ONECUT1: variants seen among roughly 807,000 people sequenced by gnomAD.
ONECUT1 encodes one cut homeobox 1.
A neutral mutation model predicts 25.6 loss-of-function variants in ONECUT1; 12 were observed. The observed-to-expected ratio is 0.47, with a 90% CI of 0.30 to 0.76. The LOEUF (loss-of-function observed/expected upper bound fraction) is 0.76, where lower values mean the gene tolerates loss of function less well. ONECUT1 is among the 30% of genes least tolerant of loss of function. The pLI is 0.07. For synonymous variants in ONECUT1, 285 were observed against 270.2 expected, an observed-to-expected ratio of 1.05 and a Z score of -0.54; for missense variants, 620 against 651.2, an observed-to-expected ratio of 0.95 and a Z score of 0.52.
At position 52,789,672 on chromosome 15, in the gene ONECUT1, G is replaced by T; in HGVS notation, c.213C>A (p.His71Gln). ...GGSGGGDYHHHHRAPEHSLAG... is the reference protein window; with the variant it reads ...GGSGGGDYHHQHRAPEHSLAG... Reference sequence around the variant, plus strand: ...CCAGGCTGTGCTCAGGGGCCCGGTGGTGGTGGTGGTAATCTCCGCCGCCGC... The same window carrying T: ...CCAGGCTGTGCTCAGGGGCCCGGTGTTGGTGGTGGTAATCTCCGCCGCCGC... The change falls in exon 1 of 2, where the codon CAC becomes CAA. Residue 71 changes from histidine (H) to glutamine (Q), a missense_variant. This residue lies in a region of ONECUT1 where 440 missense variants were observed against 404.9 expected (regional missense o/e 1.09). Transcript: ENST00000305901. The surrounding 1 kb of genome is among the most constrained non-coding windows in gnomAD (Gnocchi z 4.1). 6.6e-7 allele frequency: 1 copy of T among 1,518,956 alleles called. No homozygotes were observed. 94.1% of individuals were successfully genotyped at this position (1,518,956 alleles called of 1,614,324 possible). A position where few individuals can be genotyped will look rare whatever the true frequency, so the allele number is the denominator to read the frequency against.
chr15:52,758,531 G>T (rs971466100), intron 1 of ONECUT1, among the ~76,000 whole-genome samples: 1 of 152,168 alleles, frequency 6.6e-6, no homozygotes, highest in African/African-American at 2.4e-5. Context: ...GGTGTGAACC[G>T]CTCTTCTTCG....
intron 1 of ONECUT1, among the ~76,000 whole-genome samples, chr15:52,779,755 T>C (rs569564698): frequency 2.6e-5 from 4 of 152,360 alleles, no homozygotes; most frequent in African/African-American, 9.6e-5. Context: ...TCTATGGAGA[T>C]ATGGCAAACT....
chr15:52,771,047 T>C (rs893613895), intron 1 of ONECUT1, among the ~76,000 whole-genome samples: 8 of 152,192 alleles, frequency 5.3e-5, no homozygotes, highest in Non-Finnish European at 1.0e-4. Context: ...ATATTTACTT[T>C]TGATCTAGTA....
chr15:52,766,593 A>G, intron 1 of ONECUT1, among the ~76,000 whole-genome samples: 1 of 152,232 alleles, frequency 6.6e-6, no homozygotes, highest in South Asian at 2.1e-4. Context: ...TTCTGGCAGC[A>G]TAGCAGACAG....
At position 52,789,129 on chromosome 15, in the gene ONECUT1, G is replaced by C. The variant is rs769669479; in HGVS notation, c.756C>G (p.Pro252=). Residue 252 remains proline, a synonymous_variant, in exon 1 of 2, where the codon CCC becomes CCG. Transcript: ENST00000305901. The surrounding 1 kb of genome is among the most constrained non-coding windows in gnomAD (Gnocchi z 4.1). ...VPINGLPPHH[P]HAHLNAQGHG... is the part of the protein sequence containing the mutation. ...GGCCCTGGGCGTTCAGGTGGGCGTG[G>C]GGATGGTGCGGAGGAAGGCCGTTGA... 1.2e-6 allele frequency: 2 copies of C among 1,600,656 alleles called. No homozygotes were observed. The highest frequency in any genetic ancestry group is 1.1e-5 in the South Asian group (1 of 91,034).
Position 52,790,199 on chromosome 15 carries a change from G to A in ONECUT1, c.-315C>T, listed in dbSNP as rs533125628. On this transcript the variant is annotated 5_prime_UTR_variant, in exon 1 of 2. Transcript: ENST00000305901. ...TTGGGAGAGCGCAGTGCCCCAGCCC[G>A]CCCGCCTCGGCCACCTCTCGCCCCT... 2.0e-5 allele frequency among the ~76,000 whole-genome samples: 3 copies of A among 148,884 alleles called. No homozygotes were observed. Among genetic ancestry groups the A allele is most frequent in the Admixed American group, 6.7e-5 (1 of 15,022 alleles).
At position 52,787,582 on chromosome 15, in the gene ONECUT1, T is replaced by C. The variant is rs577240812; in HGVS notation, c.1105+1198A>G. On this transcript the variant is annotated intron_variant, in intron 1 of 1. Transcript: ENST00000305901. ...CTCATTCCGGCTTTTACCTTTTCTC[T>C]TCGCCAAGGCTCAGGCCTGGGCGCT... Among the ~76,000 whole-genome samples, 10 of 145,362 alleles carry C rather than the reference T, an allele frequency of 6.9e-5. No individual in the cohort carries two copies. The East Asian group carries it at 1.9e-3, about 28-fold the overall frequency.
rs1315157059 is a variant in ONECUT1, at chr15:52,784,090, G to C, written c.1105+4690C>G. 6.6e-6 allele frequency among the ~76,000 whole-genome samples: 1 copy of C among 152,220 alleles called. No individual in the cohort carries two copies. ...GTCGCCCAGCCCCGACGGCCCGCAGGGGGCGCGCGCCGCAGCCGCAGCACA... is the reference window on the plus strand; with the variant it reads ...GTCGCCCAGCCCCGACGGCCCGCAGCGGGCGCGCGCCGCAGCCGCAGCACA... On this transcript the variant is annotated intron_variant, in intron 1 of 1. Coordinates refer to ENST00000305901, the MANE Select transcript of ONECUT1 (RefSeq NM_004498.4). The surrounding 1 kb of genome is among the most constrained non-coding windows in gnomAD (Gnocchi z 5.0).
intron 1 of ONECUT1, among the ~76,000 whole-genome samples, chr15:52,771,417 C>T (rs925084561): frequency 6.8e-6 from 1 of 147,952 alleles, no homozygotes; most frequent in African/African-American, 2.5e-5. Flanking sequence ...AGAATCATCT[C>T]ATTTTTGCAT....
chr15:52,765,687 TTTGGA>T, intron 1 of ONECUT1, among the ~76,000 whole-genome samples: 1 of 152,282 alleles, frequency 6.6e-6, no homozygotes, highest in Non-Finnish European at 1.5e-5. Context: ...TTAAAGAGCC[TTTGGA>T]TTGACCGAGA....
chr15:52,789,895 G>A lies in ONECUT1; in HGVS notation c.-11C>T, dbSNP rs768544134. Reference sequence around the variant, plus strand: ...CAGCTGCGCGTTCATCGTGATCCGGGCGAGCAGGCGGCGGACACAACATCG... The same window carrying A: ...CAGCTGCGCGTTCATCGTGATCCGGACGAGCAGGCGGCGGACACAACATCG... On this transcript the variant is annotated 5_prime_UTR_variant, in exon 1 of 2. Transcript: ENST00000305901. The surrounding 1 kb of genome is among the most constrained non-coding windows in gnomAD (Gnocchi z 4.1). 3.3e-6 allele frequency: 5 copies of A among 1,522,108 alleles called. No homozygotes were observed. The highest frequency in any genetic ancestry group is 4.4e-6 in the Non-Finnish European group (5 of 1,146,246). 94.3% of individuals were successfully genotyped at this position (1,522,108 alleles called of 1,614,324 possible). A position where few individuals can be genotyped will look rare whatever the true frequency, so the allele number is the denominator to read the frequency against.
chr15:52,771,647 TA>T (rs1349244298), intron 1 of ONECUT1, among the ~76,000 whole-genome samples: 6 of 107,700 alleles, frequency 5.6e-5, no homozygotes, highest in Admixed American at 9.2e-5. Flanking sequence ...TGATAATCAC[TA>T]AATTTTTTTT....
chr15:52,768,133 AG>A (rs201905972), intron 1 of ONECUT1, among the ~76,000 whole-genome samples: 1,998 of 152,302 alleles, frequency 0.013, 41 homozygotes, highest in African/African-American at 0.046. Context: ...GTGGCACTAT[AG>A]GGTGACTACA....
chr15:52,782,167 T>A (rs1053317410), intron 1 of ONECUT1, among the ~76,000 whole-genome samples: 2 of 152,224 alleles, frequency 1.3e-5, no homozygotes, highest in African/African-American at 4.8e-5. Flanking sequence ...AAGCCCAGCA[T>A]CTATTAGCTA....
At chr15:52,773,679 G>A (rs1391042977) in intron 1 of ONECUT1, among the ~76,000 whole-genome samples, 2 of 152,094 alleles carry the variant, frequency 1.3e-5, no homozygotes, top group African/African-American at 2.4e-5. Context: ...TACCAAATGA[G>A]CTTGGAACAT....
At chr15:52,771,081 C>A (rs555251475) in intron 1 of ONECUT1, among the ~76,000 whole-genome samples, 2 of 151,956 alleles carry the variant, frequency 1.3e-5, no homozygotes, top group Non-Finnish European at 2.9e-5. Flanking sequence ...GGAATTTATT[C>A]TAAGGCTATA....
At chr15:52,772,076 C>G (rs988324433) in intron 1 of ONECUT1, among the ~76,000 whole-genome samples, 3 of 152,130 alleles carry the variant, frequency 2.0e-5, no homozygotes, top group African/African-American at 7.2e-5. Flanking sequence ...CATTGATTGT[C>G]ATAGACAACC....
chr15:52,782,936 C>T (rs1039151868), intron 1 of ONECUT1, among the ~76,000 whole-genome samples: 6 of 152,194 alleles, frequency 3.9e-5, no homozygotes, highest in South Asian at 2.1e-4. Flanking sequence ...TAATTACCCA[C>T]CTTTATTAGA....
At chr15:52,772,166 G>A (rs1386595985) in intron 1 of ONECUT1, among the ~76,000 whole-genome samples, 5 of 152,016 alleles carry the variant, frequency 3.3e-5, no homozygotes, top group African/African-American at 1.2e-4. Context: ...AGGCCGAGGC[G>A]GGTGGATCAT....
Sources: allele counts gnomAD v4.1 joint callset (sites outside exome capture counted in the v4.1 genomes callset), GRCh38; gene constraint gnomAD v4.1.1; regional missense constraint gnomAD v4.1.1; non-coding constraint Gnocchi (gnomAD v3.1); transcripts MANE v1.5; gene names NCBI Gene and HGNC (gene_info 2026-07-23, HGNC 2026-07-21).